Variants in TEK observed in about 807,000 individuals in gnomAD.
TEK encodes angiopoietin-1 receptor.
In TEK, 43 loss-of-function variants were observed where a neutral mutation model predicts 131.8. That is an observed-to-expected ratio of 0.33 (90% confidence interval 0.26 to 0.42). The LOEUF is 0.42. Among genes scored for constraint, TEK ranks in the 10% least tolerant of loss-of-function variants. The probability of loss-of-function intolerance (pLI) is 1.00; values close to 1 mark genes in which losing one functional copy is unlikely to be tolerated. For synonymous variants in TEK, 580 were observed against 491.6 expected, an observed-to-expected ratio of 1.18 and a Z score of -2.38; for missense variants, 1,162 against 1,384.4, an observed-to-expected ratio of 0.84 and a Z score of 2.55.
rs1825712495 is a variant in TEK at position 27,213,618 on chromosome 9, CT to C, written c.2991+22del. On this transcript the variant is annotated intron_variant, in intron 18 of 22. Coordinates refer to ENST00000380036, the MANE Select transcript of TEK (RefSeq NM_000459.5). ...CAATGGTAAGTGCCAGACACAGACA[CT>C]GATCGCATCCTTTCCGAGGTACTCC... The C allele has an allele frequency of 1.9e-6, 3 of 1,563,968 alleles. No individual in the cohort carries two copies. In the Admixed American group the frequency reaches 5.0e-5, roughly 26 times the overall value.
intron 1 of TEK, among the ~76,000 whole-genome samples, chr9:27,141,057 A>C (rs1256005620): frequency 6.6e-6 from 1 of 152,006 alleles, no homozygotes; most frequent in Non-Finnish European, 1.5e-5. Flanking sequence ...TGAATGTTCC[A>C]CAAGCATCAT....
intron 1 of TEK, among the ~76,000 whole-genome samples, chr9:27,154,729 C>T (rs1037778759): frequency 1.2e-4 from 19 of 152,164 alleles, no homozygotes; most frequent in African/African-American, 4.1e-4. Flanking sequence ...CCTTCTGGTA[C>T]TGTAAATGGG....
chr9:27,221,907 G>A (rs1826099436), intron 21 of TEK, among the ~76,000 whole-genome samples: 1 of 152,194 alleles, frequency 6.6e-6, no homozygotes, highest in South Asian at 2.1e-4. Context: ...ACTGACAGAA[G>A]TAGGCTTCAG....
chr9:27,113,461 G>A (rs888506183), intron 1 of TEK, among the ~76,000 whole-genome samples: 1 of 152,112 alleles, frequency 6.6e-6, no homozygotes, highest in African/African-American at 2.4e-5. Flanking sequence ...GGTGGTGTGT[G>A]CCCGTAGTCC....
At chr9:27,223,586 C>A (rs912179216) in intron 21 of TEK, among the ~76,000 whole-genome samples, 58 of 152,180 alleles carry the variant, frequency 3.8e-4, no homozygotes, top group African/African-American at 1.4e-3. Flanking sequence ...AAAGACACAA[C>A]ATACCAGAAT....
chr9:27,218,490 C>A lies in TEK; in HGVS notation c.3063-287C>A, dbSNP rs373469156. On this transcript the variant is annotated intron_variant, in intron 19 of 22. Transcript: ENST00000380036. ...GGCAGAGATTGGATTTAACTCAGAT[C>A]TGTCAAGCTCCACAACAAATTTCAT... Among the ~76,000 whole-genome samples the A allele has an allele frequency of 6.6e-5, 10 of 152,292 alleles. No homozygotes were observed. In the East Asian group the frequency reaches 1.2e-3, roughly 18 times the overall value.
At chr9:27,130,097 C>T (rs1822154450) in intron 1 of TEK, among the ~76,000 whole-genome samples, 1 of 151,988 alleles carries the variant, frequency 6.6e-6, no homozygotes, top group South Asian at 2.1e-4. Flanking sequence ...GGAAGAATAG[C>T]TGAAAAAATT....
intron 1 of TEK, among the ~76,000 whole-genome samples, chr9:27,123,325 C>G (rs894507532): frequency 6.6e-6 from 1 of 152,002 alleles, no homozygotes; most frequent in Non-Finnish European, 1.5e-5. Flanking sequence ...CTTCTCTCTG[C>G]CGTCATAGGC....
At chr9:27,219,142 A>G (rs1197354534) in intron 20 of TEK, among the ~76,000 whole-genome samples, 1 of 152,204 alleles carries the variant, frequency 6.6e-6, no homozygotes, top group African/African-American at 2.4e-5. Context: ...GCCATTTAAT[A>G]GCATGTGAAA....
chr9:27,122,080 G>A (rs1166605327), intron 1 of TEK, among the ~76,000 whole-genome samples: 5 of 152,164 alleles, frequency 3.3e-5, no homozygotes, highest in African/African-American at 9.7e-5. Context: ...CCCAGCTAAC[G>A]AGCAGGCAAT....
At chr9:27,199,550 G>A (rs192858497) in intron 12 of TEK, among the ~76,000 whole-genome samples, 303 of 152,114 alleles carry the variant, frequency 2.0e-3, no homozygotes, top group Admixed American at 3.5e-3. Context: ...TTTACTTTGC[G>A]TATCTCAAAA....
chr9:27,140,167 G>A (rs62544599), intron 1 of TEK, among the ~76,000 whole-genome samples: 18,969 of 152,066 alleles, frequency 0.12, 1,503 homozygotes, highest in Middle Eastern at 0.26. Context: ...ATTCTTGATC[G>A]AAAACATGTA....
intron 20 of TEK, 112 bp from the exon 21 acceptor site, chr9:27,219,937 C>T: frequency 9.0e-7 from 1 of 1,109,180 alleles, no homozygotes; most frequent in Non-Finnish European, 1.4e-6. Flanking sequence ...GATGCTCACC[C>T]TCTCTTGCCA....
intron 11 of TEK, among the ~76,000 whole-genome samples, chr9:27,194,681 T>C (rs1235926082): frequency 6.6e-6 from 1 of 152,216 alleles, no homozygotes; most frequent in Non-Finnish European, 1.5e-5. Context: ...TGTACTGTCT[T>C]CAGCCCTCAG....
rs45510599 is a variant in TEK at position 27,204,955 on chromosome 9, C to T, written c.2254C>T (p.Leu752Phe). Residue 752 changes from leucine to phenylalanine, a missense_variant, in exon 14 of 23, where the codon CTT (leucine) becomes TTT (phenylalanine). Transcript: ENST00000380036. ...GGGGAAGATGCTGCTTATAGCCATC[C>T]TTGGCTCTGCTGGAATGACCTGCCT... ...GGGKMLLIAI[L>F]GSAGMTCLTV... 6.8e-5 allele frequency: 110 copies of T among 1,613,928 alleles called. No individual in the cohort carries two copies. Among genetic ancestry groups the T allele is most frequent in the Non-Finnish European group, 9.2e-5 (109 of 1,179,938 alleles).
intron 18 of TEK, among the ~76,000 whole-genome samples, chr9:27,214,633 C>G (rs1564103707): frequency 6.6e-6 from 1 of 152,172 alleles, no homozygotes; most frequent in Non-Finnish European, 1.5e-5. Flanking sequence ...CCATAATTCA[C>G]CACCTTGGCA....
intron 2 of TEK, among the ~76,000 whole-genome samples, chr9:27,164,671 A>T (rs938383234): frequency 6.6e-6 from 1 of 152,100 alleles, no homozygotes; most frequent in Non-Finnish European, 1.5e-5. Context: ...CTGGGACTAC[A>T]AGCATGTGCT....
Position 27,178,215 on chromosome 9 carries a change from GA to G in TEK, c.902-2024del, listed in dbSNP as rs1824240218. Among the ~76,000 whole-genome samples the G allele has an allele frequency of 2.0e-5, 3 of 152,012 alleles. No homozygotes were observed. In the South Asian group the frequency reaches 6.2e-4, roughly 32 times the overall value. ...TTTTCCCAGGACTATTTATTGAAGA[GA>G]TTATCCTTTCCCTGTTGTGTGTTCT... On this transcript the variant is annotated intron_variant, in intron 6 of 22. Transcript: ENST00000380036.
At chr9:27,157,704 TG>T in intron 1 of TEK, 126 bp from the exon 2 acceptor site, 2 of 1,134,522 alleles carry the variant, frequency 1.8e-6, no homozygotes, top group Non-Finnish European at 2.6e-6. Context: ...GATAGGCACA[TG>T]GTCAGAATAG....
Sources: gnomAD v4.1 joint callset for allele counts (sites outside exome capture counted in the v4.1 genomes callset) on GRCh38, gnomAD v4.1.1 for gene constraint, MANE v1.5 for transcripts, NCBI Gene and HGNC (gene_info 2026-07-23, HGNC 2026-07-21) for gene names.